The following GLIS3 variants were observed in gnomAD, a reference collection of about 807,000 sequenced individuals.
GLIS3 encodes GLIS family zinc finger 3, also known as zinc finger protein GLIS3.
A neutral mutation model predicts 78.6 loss-of-function variants in GLIS3; 53 were observed. The observed-to-expected ratio is 0.67, with a 90% confidence interval of 0.54 to 0.85. GLIS3 has a LOEUF of 0.85. GLIS3 is among the 40% of genes least tolerant of loss of function. GLIS3 has a pLI of 0.00. For missense variants in GLIS3, 1,703 were observed against 1,231.1 expected (o/e 1.38, Z -5.74); for synonymous variants, 684 against 509.9 (o/e 1.34, Z -4.60).
the GLIS3 span, among the ~76,000 whole-genome samples, chr9:4,361,889 T>C: frequency 2.9e-4 from 44 of 152,258 alleles, no homozygotes; most frequent in Admixed American, 1.3e-3. Context: ...TAAATTGAAG[T>C]TTGTATGTTG....
chr9:3,982,182 C>G (rs1012152088), intron 4 of GLIS3, among the ~76,000 whole-genome samples: 1 of 151,690 alleles, frequency 6.6e-6, no homozygotes, highest in African/African-American at 2.4e-5. Flanking sequence ...TTTGCCCTTC[C>G]TCTACCAGCA....
chr9:4,136,232 C>T (rs1024570661), intron 2 of GLIS3, among the ~76,000 whole-genome samples: 1 of 152,116 alleles, frequency 6.6e-6, no homozygotes, highest in East Asian at 1.9e-4. Context: ...CGGATAATGT[C>T]GCTAGACTGT....
At chr9:3,858,645 A>T (rs1819950958) in intron 8 of GLIS3, among the ~76,000 whole-genome samples, 1 of 152,200 alleles carries the variant, frequency 6.6e-6, no homozygotes, top group Non-Finnish European at 1.5e-5. Flanking sequence ...TATTAATAGA[A>T]ATTTAAATAT....
intron 4 of GLIS3, among the ~76,000 whole-genome samples, chr9:4,103,685 A>T (rs555971947): frequency 6.6e-6 from 1 of 152,152 alleles, no homozygotes; most frequent in Non-Finnish European, 1.5e-5. Flanking sequence ...GTAGGAACTC[A>T]GATGTATGGA....
intron 4 of GLIS3, among the ~76,000 whole-genome samples, chr9:3,983,416 G>A (rs1052625917): frequency 7.2e-5 from 11 of 152,142 alleles, no homozygotes; most frequent in Non-Finnish European, 1.3e-4. Context: ...AGCAGAGGGG[G>A]GCACTACTGT....
Position 4,118,876 on chromosome 9 carries a change from A to G in GLIS3, c.602T>C (p.Leu201Pro). 6.2e-7 allele frequency: 1 copy of G among 1,601,156 alleles called. No homozygotes were observed. ...GGACGCCAAAGACTCACGCGAAATA[A>G]GGGACCTGGAACAGCAGCCAGAAAG... is the stretch of plus-strand genomic sequence containing the variant. ...LNIPPSDTRS[L>P]ISRESLASTT... Residue 201 changes from leucine to proline, a missense_variant, in exon 4 of 11, where the codon CTT becomes CCT. Coordinates refer to ENST00000381971, the MANE Select transcript of GLIS3 (RefSeq NM_001042413.2). This position sits in a 1 kb window ranked among gnomAD's most constrained non-coding sequence, Gnocchi z 4.7.
the GLIS3 span, among the ~76,000 whole-genome samples, chr9:4,419,681 G>A: frequency 1.3e-5 from 2 of 152,190 alleles, no homozygotes; most frequent in Non-Finnish European, 2.9e-5. Flanking sequence ...TTGGGAGGCT[G>A]AGGCAGGAGA....
intron 6 of GLIS3, among the ~76,000 whole-genome samples, chr9:3,921,752 T>TTA (rs1824903534): frequency 2.0e-5 from 3 of 152,144 alleles, no homozygotes; most frequent in African/African-American, 7.2e-5. Context: ...TTAATATCTG[T>TTA]TATATATAGT....
chr9:4,043,931 A>G (rs1825037800), intron 4 of GLIS3, among the ~76,000 whole-genome samples: 1 of 152,196 alleles, frequency 6.6e-6, no homozygotes, highest in Non-Finnish European at 1.5e-5. Context: ...GCAGAACCTG[A>G]CACCTGCAGC....
chr9:4,076,029 C>A (rs147109129), intron 4 of GLIS3, among the ~76,000 whole-genome samples: 1 of 152,132 alleles, frequency 6.6e-6, no homozygotes, highest in Non-Finnish European at 1.5e-5. Flanking sequence ...TGGAAATGTT[C>A]CATATATTGA....
chr9:4,056,165 G>A (rs1826141899), intron 4 of GLIS3, among the ~76,000 whole-genome samples: 1 of 152,312 alleles, frequency 6.6e-6, no homozygotes, highest in South Asian at 2.1e-4. Context: ...GGCACCAAAT[G>A]GGGTTTGCAA....
intron 9 of GLIS3, among the ~76,000 whole-genome samples, chr9:3,852,820 A>C (rs1389940653): frequency 6.6e-6 from 1 of 152,200 alleles, no homozygotes; most frequent in Non-Finnish European, 1.5e-5. Context: ...GAAAGTCATA[A>C]TTTCTCAATT....
chr9:4,217,827 C>A (rs1049973596), intron 2 of GLIS3, among the ~76,000 whole-genome samples: 1 of 152,090 alleles, frequency 6.6e-6, no homozygotes, highest in African/African-American at 2.4e-5. Flanking sequence ...AAGGGATTTC[C>A]GTGGAATTAA....
At chr9:4,197,523 A>G (rs1818978681) in intron 2 of GLIS3, among the ~76,000 whole-genome samples, 1 of 151,940 alleles carries the variant, frequency 6.6e-6, no homozygotes, top group Admixed American at 6.6e-5. Flanking sequence ...TCCCAGCTCC[A>G]TGCCTAGGCA....
chr9:4,234,637 G>C (rs11787648), intron 2 of GLIS3, among the ~76,000 whole-genome samples: 18,655 of 152,178 alleles, frequency 0.12, 1,323 homozygotes, highest in African/African-American at 0.19. Flanking sequence ...ACAGAGACAT[G>C]AAGTGAGCAC....
intron 2 of GLIS3, among the ~76,000 whole-genome samples, chr9:4,320,752 T>G (rs1448539178): frequency 6.6e-6 from 1 of 152,126 alleles, no homozygotes; most frequent in African/African-American, 2.4e-5. Flanking sequence ...ACCATCATTA[T>G]CACTGCTATT....
At chr9:4,387,345 AGTG>A in the GLIS3 span, among the ~76,000 whole-genome samples, 1 of 152,030 alleles carries the variant, frequency 6.6e-6, no homozygotes, top group South Asian at 2.1e-4. Flanking sequence ...CTTACATGAG[AGTG>A]TGACCAAAAC....
At chr9:4,066,425 C>G (rs1263429484) in intron 4 of GLIS3, among the ~76,000 whole-genome samples, 2 of 152,140 alleles carry the variant, frequency 1.3e-5, no homozygotes, top group African/African-American at 4.8e-5. Context: ...CCAGCCACCT[C>G]CTGGTTGTGA....
intron 4 of GLIS3, among the ~76,000 whole-genome samples, chr9:4,005,937 C>T (rs745990373): frequency 6.6e-6 from 1 of 152,164 alleles, no homozygotes; most frequent in South Asian, 2.1e-4. Context: ...TACTACAGTA[C>T]TACTGTAGTC....
Sources: gnomAD v4.1 joint callset for allele counts (sites outside exome capture counted in the v4.1 genomes callset) on GRCh38, gnomAD v4.1.1 for gene constraint, Gnocchi (gnomAD v3.1) non-coding constraint, MANE v1.5 for transcripts, NCBI Gene and HGNC (gene_info 2026-07-23, HGNC 2026-07-21) for gene names.